ZNF331: variants seen among roughly 807,000 people sequenced by gnomAD.
The protein encoded by ZNF331 is C2H2-like zinc finger protein rearranged in thyroid adenomas.
ZNF331 carries 2 observed loss-of-function variants against 7.0 expected under a neutral mutation model. The ratio of observed to expected loss-of-function variants is 0.29; its 90% confidence interval spans 0.12 to 0.90. The LOEUF (loss-of-function observed/expected upper bound fraction) is 0.90, where lower values mean the gene tolerates loss of function less well. Ranked by LOEUF, ZNF331 falls within the 40% of genes least tolerant of loss-of-function variation. The pLI is 0.58. For missense variants in ZNF331, 432 were observed against 587.7 expected, an observed-to-expected ratio of 0.74 and a Z score of 2.74; for synonymous variants, 196 against 205.4, an observed-to-expected ratio of 0.95 and a Z score of 0.39.
Position 53,576,848 on chromosome 19 carries a change from A to G in ZNF331, c.288A>G (p.Arg96=). Reference sequence around the variant, plus strand: ...CGCTTGAAAGACCACAGCGCTCCAGAGGGAGGTATGTCAATCAGATGATCA... The same window carrying G: ...CGCTTGAAAGACCACAGCGCTCCAGGGGGAGGTATGTCAATCAGATGATCA... The part of the protein sequence containing the change: ...EGTLERPQRS[R]GRYVNQMIIN... The change falls in exon 6 of 6, where the codon AGA becomes AGG. Residue 96 remains arginine (R), a synonymous_variant. Coordinates refer to ENST00000449416, the MANE Select transcript of ZNF331 (RefSeq NM_001079906.2). 2 of 1,614,158 alleles carry G rather than the reference A, an allele frequency of 1.2e-6. No individual in the cohort carries two copies. Among genetic ancestry groups the G allele is most frequent in the Non-Finnish European group, 1.7e-6 (2 of 1,180,046 alleles).
Position 53,560,771 on chromosome 19 carries a change from A to G in ZNF331, c.-74+4863A>G, listed in dbSNP as rs1025995771. Among the ~76,000 whole-genome samples, 1 of 151,752 alleles carries G rather than the reference A, an allele frequency of 6.6e-6. No individual in the cohort carries two copies. The highest frequency in any genetic ancestry group is 1.5e-5 in the Non-Finnish European group (1 of 67,950). On this transcript the variant is annotated intron_variant, in intron 3 of 5. Transcript: ENST00000449416. The surrounding 1 kb of genome is among the most constrained non-coding windows in gnomAD (Gnocchi z 4.3). ...AGACAAGTCCTTTTTCCGTCACACC[A>G]CTCTGACCCTCCTCCTCTAAGTTTA...
the ZNF331 span, chr19:53,503,557 A>G: frequency 2.5e-4 from 187 of 746,944 alleles, 1 homozygote; most frequent in African/African-American, 2.1e-3. Context: ...CCAACACCGT[A>G]TTCCTCCTCC....
At chr19:53,513,378 G>T in the ZNF331 span, among the ~76,000 whole-genome samples, 1 of 152,028 alleles carries the variant, frequency 6.6e-6, no homozygotes, top group Non-Finnish European at 1.5e-5. Flanking sequence ...AAATTAAAAA[G>T]AATTTTAATT....
intron 2 of ZNF331, among the ~76,000 whole-genome samples, chr19:53,528,222 C>T (rs149503191): frequency 7.9e-5 from 12 of 152,260 alleles, no homozygotes; most frequent in Admixed American, 2.0e-4. Flanking sequence ...GTCTTAGAAT[C>T]GTTTTTGCTA....
the ZNF331 span, among the ~76,000 whole-genome samples, chr19:53,507,751 C>G: frequency 6.6e-6 from 1 of 152,086 alleles, no homozygotes; most frequent in Admixed American, 6.6e-5. Context: ...GTAATTCCAG[C>G]CTTTTGGGAG....
At chr19:53,521,331 AGTGT>A (rs755487590) in exon 1 of ZNF331, 89 of 129,204 alleles carry the variant, frequency 6.9e-4, no homozygotes, top group Middle Eastern at 3.8e-3. Flanking sequence ...AGTGTGTGTG[AGTGT>A]GTGTGTGTGT....
chr19:53,535,018 CAAAAAAAAAA>C (rs59509834), upstream of ZNF331, among the ~76,000 whole-genome samples: 34 of 127,320 alleles, frequency 2.7e-4, no homozygotes, highest in African/African-American at 8.1e-4. Context: ...AGCCTGTAAC[CAAAAAAAAAA>C]AAAAAAAAAA....
chr19:53,559,611 CAT>C (rs1306698925), intron 3 of ZNF331, among the ~76,000 whole-genome samples: 2 of 133,820 alleles, frequency 1.5e-5, no homozygotes, highest in African/African-American at 5.1e-5. Context: ...ATACACACCC[CAT>C]ATATACACAC....
upstream of ZNF331, among the ~76,000 whole-genome samples, chr19:53,516,305 G>C (rs1029721010): frequency 2.0e-5 from 3 of 152,028 alleles, no homozygotes; most frequent in African/African-American, 7.2e-5. Flanking sequence ...ACAAAAATTA[G>C]CTGGGCATGG....
chr19:53,570,367 C>T (rs1013589070), intron 4 of ZNF331, among the ~76,000 whole-genome samples: 2 of 151,906 alleles, frequency 1.3e-5, no homozygotes, highest in South Asian at 2.1e-4. Flanking sequence ...ACCCCAGAAT[C>T]GGAGAAAGCC....
intron 4 of ZNF331, 95 bp downstream of exon 4, chr19:53,569,480 CT>C (rs2090332717): frequency 1.4e-6 from 2 of 1,394,826 alleles, no homozygotes; most frequent in Non-Finnish European, 2.0e-6. Flanking sequence ...TAGTCAAGCT[CT>C]TTATAATTAC....
intron 2 of ZNF331, among the ~76,000 whole-genome samples, chr19:53,550,567 C>T (rs545864536): frequency 1.0e-5 from 1 of 98,496 alleles, no homozygotes; most frequent in Non-Finnish European, 1.8e-5. Context: ...GTTAGAGTCT[C>T]GCTGTATCAC....
intron 2 of ZNF331, among the ~76,000 whole-genome samples, chr19:53,527,971 T>C (rs1443340945): frequency 6.6e-6 from 1 of 152,230 alleles, no homozygotes; most frequent in African/African-American, 2.4e-5. Context: ...TTTCCATGAT[T>C]ATATGTACAA....
At chr19:53,505,939 G>A in the ZNF331 span, among the ~76,000 whole-genome samples, 5 of 151,844 alleles carry the variant, frequency 3.3e-5, no homozygotes, top group African/African-American at 4.8e-5. Context: ...AGCCGAGATC[G>A]TGCCTCTGCA....
chr19:53,549,862 G>A (rs1051108166), intron 2 of ZNF331, among the ~76,000 whole-genome samples: 6 of 150,776 alleles, frequency 4.0e-5, no homozygotes, highest in East Asian at 1.9e-4. Flanking sequence ...TCCTTCTTTC[G>A]TGATATAAGT....
chr19:53,513,013 G>A, the ZNF331 span, among the ~76,000 whole-genome samples: 1 of 151,758 alleles, frequency 6.6e-6, no homozygotes, highest in Non-Finnish European at 1.5e-5. Context: ...TCGTTCCCAC[G>A]GACCATGCTC....
chr19:53,524,355 G>T (rs2087210462), intron 2 of ZNF331, among the ~76,000 whole-genome samples: 1 of 152,168 alleles, frequency 6.6e-6, no homozygotes, highest in African/African-American at 2.4e-5. Context: ...TTCCACAATG[G>T]TTGAACTAAT....
chr19:53,577,169 T>C lies in ZNF331; in HGVS notation c.609T>C (p.Val203=). The change falls in exon 6 of 6, where the codon GTT becomes GTC. Residue 203 remains valine (V), a synonymous_variant. Coordinates refer to ENST00000449416, the MANE Select transcript of ZNF331 (RefSeq NM_001079906.2). The stretch of plus-strand genomic sequence containing the variant: ...CTTTTCGATGGGGCTCAAGCCTCGT[T>C]ATTCATAAGAGGATTCATACTGGTG... ...GKAFRWGSSL[V]IHKRIHTGEK... is the part of the protein sequence containing the mutation. 1 of 1,614,078 alleles carries C rather than the reference T, an allele frequency of 6.2e-7. No individual in the cohort carries two copies. The highest frequency in any genetic ancestry group is 8.5e-7 in the Non-Finnish European group (1 of 1,180,012).
chr19:53,515,829 C>G (rs1044228380), upstream of ZNF331, among the ~76,000 whole-genome samples: 15 of 152,158 alleles, frequency 9.9e-5, no homozygotes, highest in Non-Finnish European at 1.9e-4. Flanking sequence ...CTTTTAAACC[C>G]TTTCTGTCTC....
Sources: allele counts gnomAD v4.1 joint callset (sites outside exome capture counted in the v4.1 genomes callset), GRCh38; gene constraint gnomAD v4.1.1; non-coding constraint Gnocchi (gnomAD v3.1); transcripts MANE v1.5; gene names NCBI Gene and HGNC (gene_info 2026-07-23, HGNC 2026-07-21).